Variants in ATRNL1 observed in about 807,000 individuals in gnomAD.
ATRNL1 encodes attractin like 1, also known as attractin-like protein 1.
Under a neutral mutation model 182.7 loss-of-function variants are expected in ATRNL1, and 95 were observed. The observed-to-expected ratio is 0.52, with a 90% CI of 0.44 to 0.62. ATRNL1 has a LOEUF of 0.62. Ranked by LOEUF, ATRNL1 falls within the 20% of genes least tolerant of loss-of-function variation. The pLI, the probability that ATRNL1 is intolerant of heterozygous loss-of-function variation, is 0.00. For missense variants in ATRNL1, 1,471 were observed against 1,679.5 expected (o/e 0.88, Z 2.17); for synonymous variants, 576 against 568.3 (o/e 1.01, Z -0.19).
chr10:115,278,339 G>T (rs1852198101), intron 13 of ATRNL1, among the ~76,000 whole-genome samples: 2 of 152,206 alleles, frequency 1.3e-5, no homozygotes, highest in South Asian at 4.1e-4. Context: ...AATAAATTTA[G>T]CAGAGCTTAT....
At chr10:115,355,457 C>T (rs1856462357) in intron 19 of ATRNL1, among the ~76,000 whole-genome samples, 1 of 152,126 alleles carries the variant, frequency 6.6e-6, no homozygotes, top group South Asian at 2.1e-4. Flanking sequence ...CTTTTGTTAT[C>T]AGGCAAAGTC....
intron 28 of ATRNL1, among the ~76,000 whole-genome samples, chr10:115,896,286 A>G (rs941368577): frequency 6.6e-6 from 1 of 152,264 alleles, no homozygotes; most frequent in Non-Finnish European, 1.5e-5. Context: ...AAATTGACCA[A>G]TAACCACAAA....
intron 24 of ATRNL1, among the ~76,000 whole-genome samples, chr10:115,485,994 T>C (rs28438053): frequency 0.2 from 29,712 of 148,672 alleles, 3,089 homozygotes; most frequent in South Asian, 0.25. Flanking sequence ...GAACATGCGG[T>C]GCTTGGTTTT....
chr10:115,195,213 G>A (rs2144262036), intron 8 of ATRNL1, among the ~76,000 whole-genome samples: 1 of 152,092 alleles, frequency 6.6e-6, no homozygotes, highest in African/African-American at 2.4e-5. Context: ...TATACCTTTA[G>A]ATGATTTCCT....
chr10:115,691,701 GAC>G (rs1555048256), intron 26 of ATRNL1, among the ~76,000 whole-genome samples: 1 of 152,140 alleles, frequency 6.6e-6, no homozygotes, highest in African/African-American at 2.4e-5. Flanking sequence ...CAGCCTGGGT[GAC>G]AGAGGCAGAC....
intron 26 of ATRNL1, among the ~76,000 whole-genome samples, chr10:115,636,116 C>G (rs74161618): frequency 6.6e-6 from 1 of 152,042 alleles, no homozygotes; most frequent in East Asian, 1.9e-4. Flanking sequence ...GAGATACTTA[C>G]GATTTCTCAT....
intron 27 of ATRNL1, among the ~76,000 whole-genome samples, chr10:115,762,476 T>G (rs186413299): frequency 1.6e-3 from 246 of 152,286 alleles, no homozygotes; most frequent in Non-Finnish European, 2.6e-3. Context: ...AGTCATTTAA[T>G]GTGAGAAGAA....
intron 19 of ATRNL1, among the ~76,000 whole-genome samples, chr10:115,389,565 T>TATATATATATATAC (rs1843894123): frequency 8.8e-6 from 1 of 113,820 alleles, no homozygotes; most frequent in African/African-American, 3.4e-5. Context: ...TATATATATA[T>TATATATATATATAC]ATATATATAT....
chr10:115,159,607 T>A (rs912119789), intron 5 of ATRNL1, among the ~76,000 whole-genome samples: 20 of 151,720 alleles, frequency 1.3e-4, no homozygotes, highest in African/African-American at 4.1e-4. Context: ...TCCACTATTT[T>A]AAAAAAATAA....
intron 10 of ATRNL1, among the ~76,000 whole-genome samples, chr10:115,245,839 G>T (rs1359695492): frequency 2.0e-5 from 3 of 151,972 alleles, no homozygotes; most frequent in Non-Finnish European, 4.4e-5. Flanking sequence ...TGATGAAAGT[G>T]GTACCACTTA....
At chr10:115,254,711 A>G (rs1419270408) in intron 10 of ATRNL1, among the ~76,000 whole-genome samples, 8 of 152,174 alleles carry the variant, frequency 5.3e-5, no homozygotes, top group African/African-American at 1.7e-4. Flanking sequence ...GTCCTTGCCC[A>G]TGCCTATGTC....
intron 18 of ATRNL1, among the ~76,000 whole-genome samples, chr10:115,325,737 C>G (rs1554932977): frequency 6.6e-6 from 1 of 152,114 alleles, no homozygotes; most frequent in East Asian, 1.9e-4. Flanking sequence ...CTTTTATCAT[C>G]AAGAGGTATT....
chr10:115,528,887 A>G (rs182857974), intron 25 of ATRNL1, among the ~76,000 whole-genome samples: 210 of 152,198 alleles, frequency 1.4e-3, no homozygotes, highest in African/African-American at 4.7e-3. Context: ...CATTGATCAA[A>G]TGTGTGTTGG....
intron 19 of ATRNL1, among the ~76,000 whole-genome samples, chr10:115,368,576 G>C (rs1857205951): frequency 6.6e-6 from 1 of 151,546 alleles, no homozygotes; most frequent in Admixed American, 6.6e-5. Flanking sequence ...AGTCACCATG[G>C]CTGTAGATCT....
At chr10:115,699,047 A>G (rs1555050723) in intron 26 of ATRNL1, among the ~76,000 whole-genome samples, 1 of 152,168 alleles carries the variant, frequency 6.6e-6, no homozygotes, top group African/African-American at 2.4e-5. Flanking sequence ...CAGATGCTCA[A>G]GATTGTTATG....
At chr10:115,545,900 T>G (rs1852625485) in intron 25 of ATRNL1, among the ~76,000 whole-genome samples, 1 of 152,146 alleles carries the variant, frequency 6.6e-6, no homozygotes, top group African/African-American at 2.4e-5. Context: ...AACAGAGAAG[T>G]CAGGGGAAAG....
rs183384351 is a variant in ATRNL1, at chr10:115,158,636, G to T, written c.830-1404G>T. 2.7e-3 allele frequency among the ~76,000 whole-genome samples: 414 copies of T among 151,958 alleles called. 3 individuals are homozygous for T. Among genetic ancestry groups the T allele is most frequent in the African/African-American group, 9.5e-3 (394 of 41,528 alleles). On this transcript the variant is annotated intron_variant, in intron 5 of 28. Coordinates refer to ENST00000355044, the MANE Select transcript of ATRNL1 (RefSeq NM_207303.4). ...AAGCATTGAAAAAAATCTTGAAGATGAATCAATTAATACCTGGGTGAGTGA... is the reference window on the plus strand; with the variant it reads ...AAGCATTGAAAAAAATCTTGAAGATTAATCAATTAATACCTGGGTGAGTGA...
chr10:115,248,566 T>C (rs1321811180), intron 10 of ATRNL1, among the ~76,000 whole-genome samples: 4 of 152,170 alleles, frequency 2.6e-5, no homozygotes, highest in Non-Finnish European at 5.9e-5. Context: ...TATCATTGTA[T>C]GTTAAGACAC....
At chr10:115,192,671 C>T (rs921656238) in intron 8 of ATRNL1, among the ~76,000 whole-genome samples, 6 of 151,416 alleles carry the variant, frequency 4.0e-5, no homozygotes, top group Admixed American at 3.3e-4. Context: ...ATCTATAGAA[C>T]CTTTGGGTAG....
Sources: gnomAD v4.1 joint callset for allele counts (sites outside exome capture counted in the v4.1 genomes callset) on GRCh38, gnomAD v4.1.1 for gene constraint, MANE v1.5 for transcripts, NCBI Gene and HGNC (gene_info 2026-07-23, HGNC 2026-07-21) for gene names.